MTUS2: variants seen among roughly 807,000 people sequenced by gnomAD.
MTUS2 encodes microtubule-associated tumor suppressor candidate 2.
In MTUS2, 40 loss-of-function variants were observed where a neutral mutation model predicts 114.1. The observed-to-expected ratio is 0.35, with a 90% CI of 0.27 to 0.46. MTUS2 has a LOEUF of 0.46. Among genes scored for constraint, MTUS2 ranks in the 20% least tolerant of loss-of-function variants. The probability of loss-of-function intolerance (pLI) is 1.00; values close to 1 mark genes in which losing one functional copy is unlikely to be tolerated. For synonymous variants in MTUS2, 688 were observed against 672.0 expected (o/e 1.02, Z -0.37); for missense variants, 1,679 against 1,705.4 (o/e 0.98, Z 0.27).
chr13:29,389,655 ATATATG>A (rs1183369832), intron 8 of MTUS2, among the ~76,000 whole-genome samples: 1 of 145,474 alleles, frequency 6.9e-6, no homozygotes, highest in Admixed American at 6.8e-5. Flanking sequence ...GTATATACGT[ATATATG>A]TATATGTATA....
chr13:29,007,724 T>C (rs1885660904), intron 2 of MTUS2, among the ~76,000 whole-genome samples: 1 of 152,240 alleles, frequency 6.6e-6, no homozygotes, highest in Non-Finnish European at 1.5e-5. Flanking sequence ...TTTTTCTTCC[T>C]TGGGGTTTTC....
At chr13:29,248,787 T>A (rs1897018109) in intron 5 of MTUS2, among the ~76,000 whole-genome samples, 2 of 152,240 alleles carry the variant, frequency 1.3e-5, no homozygotes, top group Non-Finnish European at 2.9e-5. Flanking sequence ...TTCATCCATG[T>A]TCCTGCAAAG....
intron 8 of MTUS2, among the ~76,000 whole-genome samples, chr13:29,398,172 G>C (rs905043187): frequency 1.3e-5 from 2 of 152,142 alleles, no homozygotes; most frequent in African/African-American, 4.8e-5. Flanking sequence ...CTGAAGCAAA[G>C]AAAAAGGGCC....
At chr13:29,321,297 C>A (rs1325397618) in intron 6 of MTUS2, among the ~76,000 whole-genome samples, 1 of 152,058 alleles carries the variant, frequency 6.6e-6, no homozygotes, top group Non-Finnish European at 1.5e-5. Flanking sequence ...AGACAACAGC[C>A]GGGAGGCAGT....
chr13:29,230,748 T>A (rs7999446), intron 5 of MTUS2, among the ~76,000 whole-genome samples: 1 of 152,114 alleles, frequency 6.6e-6, no homozygotes, highest in Admixed American at 6.5e-5. Context: ...CAGGCCTTTA[T>A]TTTTATTTCT....
intron 2 of MTUS2, among the ~76,000 whole-genome samples, chr13:28,896,793 A>G (rs1470253689): frequency 2.0e-5 from 3 of 152,232 alleles, no homozygotes; most frequent in Non-Finnish European, 2.9e-5. Context: ...CAAAAACAAG[A>G]AATGGAGAAA....
rs527974094 is a variant in MTUS2, at chr13:28,937,484, A to G, written c.-242-86973A>G. Reference sequence around the variant, plus strand: ...AAGCTTTGTTCTTTCGCTTTTCACAATAGATCTTGTGCTGCTCAATTTTTG... The same window carrying G: ...AAGCTTTGTTCTTTCGCTTTTCACAGTAGATCTTGTGCTGCTCAATTTTTG... On this transcript the variant is annotated intron_variant, in intron 2 of 15. Coordinates refer to ENST00000612955, the MANE Select transcript of MTUS2 (RefSeq NM_001033602.4). Among the ~76,000 whole-genome samples, 274 of 152,216 alleles carry G rather than the reference A, an allele frequency of 1.8e-3. 1 individual carries two copies. In the Middle Eastern group the frequency reaches 0.02, roughly 11 times the overall value.
In MTUS2 at chr13:29,033,944, C is replaced by T; in HGVS notation, c.2265C>T (p.Val755=). The T allele has an allele frequency of 6.2e-7, 1 of 1,613,966 alleles. No homozygotes were observed. Among genetic ancestry groups the T allele is most frequent in the East Asian group, 2.2e-5 (1 of 44,886 alleles). ...FCSPPYAHYE[V]PPTFYRSAML... ...CTCCTCCCTATGCTCATTATGAAGT[C>T]CCTCCAACTTTCTATCGGTCAGCCA... Residue 755 remains valine (V), a synonymous_variant, in exon 4 of 16, where the codon GTC becomes GTT. Coordinates refer to ENST00000612955, the MANE Select transcript of MTUS2 (RefSeq NM_001033602.4).
At chr13:29,400,620 G>T (rs923447677) in intron 8 of MTUS2, among the ~76,000 whole-genome samples, 7 of 152,154 alleles carry the variant, frequency 4.6e-5, no homozygotes, top group African/African-American at 1.7e-4. Flanking sequence ...TGAATAGAGG[G>T]TCATCAGATG....
intron 7 of MTUS2, among the ~76,000 whole-genome samples, chr13:29,354,065 C>T (rs1001726986): frequency 1.3e-5 from 2 of 152,176 alleles, no homozygotes; most frequent in African/African-American, 4.8e-5. Flanking sequence ...TCAGAGAAAC[C>T]TCCAGGCTCC....
intron 2 of MTUS2, among the ~76,000 whole-genome samples, chr13:28,857,718 C>G (rs539511182): frequency 6.6e-6 from 1 of 152,174 alleles, no homozygotes; most frequent in Non-Finnish European, 1.5e-5. Context: ...CTTAGGGAAT[C>G]AGAATATAAA....
intron 1 of MTUS2, among the ~76,000 whole-genome samples, chr13:28,830,367 C>T (rs1035332435): frequency 3.3e-5 from 5 of 151,530 alleles, no homozygotes; most frequent in Non-Finnish European, 5.9e-5. Context: ...TAAATGTGTT[C>T]GAAGAGCTGA....
intron 4 of MTUS2, among the ~76,000 whole-genome samples, chr13:29,097,701 A>G (rs931765843): frequency 1.3e-5 from 2 of 152,158 alleles, no homozygotes; most frequent in Non-Finnish European, 2.9e-5. Context: ...ATATCTTCAC[A>G]TGGTGGAAAC....
intron 4 of MTUS2, among the ~76,000 whole-genome samples, chr13:29,058,583 ATTATTATT>A (rs1888254114): frequency 2.0e-5 from 1 of 49,612 alleles, no homozygotes; most frequent in Non-Finnish European, 4.4e-5. Context: ...TTTTTTTTTA[ATTATTATT>A]TTTTTATTTT....
intron 5 of MTUS2, among the ~76,000 whole-genome samples, chr13:29,257,361 A>T (rs542237678): frequency 1.6e-3 from 245 of 152,334 alleles, no homozygotes; most frequent in African/African-American, 5.7e-3. Context: ...GCAAGATGTC[A>T]TCACCATCTT....
At chr13:28,947,306 G>T (rs1213374487) in intron 2 of MTUS2, among the ~76,000 whole-genome samples, 12 of 152,308 alleles carry the variant, frequency 7.9e-5, no homozygotes, top group Middle Eastern at 3.4e-3. Context: ...TGTGATGGCT[G>T]TGCAACCTGG....
intron 5 of MTUS2, among the ~76,000 whole-genome samples, chr13:29,129,394 T>C (rs115307255): frequency 0.024 from 3,650 of 152,192 alleles, 143 homozygotes; most frequent in African/African-American, 0.083. Context: ...TTCCCGAAGG[T>C]TGGATTCCCT....
At chr13:29,423,375 C>G (rs1360270979) in intron 8 of MTUS2, among the ~76,000 whole-genome samples, 7 of 152,174 alleles carry the variant, frequency 4.6e-5, no homozygotes, top group Non-Finnish European at 8.8e-5. Flanking sequence ...CTAGAAGGAA[C>G]TAGGGCTCCT....
Position 29,504,489 on chromosome 13 carries a change from A to C in MTUS2, c.*1283A>C, listed in dbSNP as rs544822945. ...GAAACCCACTTGCACTTCCTGCTGG[A>C]TGATCAGGCAACGCTGCTGCTGACC... On this transcript the variant is annotated 3_prime_UTR_variant, in exon 16 of 16. Transcript: ENST00000612955. 1,104 of 232,590 alleles carry C rather than the reference A, an allele frequency of 4.7e-3. 6 individuals carry two copies. The highest frequency in any genetic ancestry group is 5.5e-3 in the Non-Finnish European group (642 of 117,780). 14.4% of individuals were successfully genotyped at this position (232,590 alleles called of 1,614,324 possible).
Sources: gnomAD v4.1 joint callset for allele counts (sites outside exome capture counted in the v4.1 genomes callset) on GRCh38, gnomAD v4.1.1 for gene constraint, MANE v1.5 for transcripts, NCBI Gene and HGNC (gene_info 2026-07-23, HGNC 2026-07-21) for gene names.